IGSF3: variants seen among roughly 807,000 people sequenced by gnomAD.
The protein encoded by IGSF3 is immunoglobulin superfamily member 3.
In IGSF3, 23 loss-of-function variants were observed where a neutral mutation model predicts 114.4. The ratio of observed to expected loss-of-function variants is 0.20; its 90% CI spans 0.14 to 0.28. IGSF3 has a LOEUF of 0.28. Among genes scored for constraint, IGSF3 ranks in the 10% least tolerant of loss-of-function variants. IGSF3 has a pLI of 1.00. For synonymous variants in IGSF3, 571 were observed against 645.2 expected (o/e 0.88, Z 1.74); for missense variants, 1,172 against 1,591.5 (o/e 0.74, Z 4.48).
In IGSF3 at chr1:116,628,587, GTGGCAGGCACCCTGA is replaced by G. The variant is rs1647413600; in HGVS notation, c.44-12145_44-12131del. The stretch of plus-strand genomic sequence containing the variant: ...AAACCATTCCCCACCAAGAGTGTGG[GTGGCAGGCACCCTGA>G]AATATGTCTAGCATACTCATAAAGC... On this transcript the variant is annotated intron_variant, in intron 2 of 10. Coordinates refer to ENST00000369486, the MANE Select transcript of IGSF3 (RefSeq NM_001007237.3). This position sits in a 1 kb window ranked among gnomAD's most constrained non-coding sequence, Gnocchi z 4.2. Among the ~76,000 whole-genome samples the G allele has an allele frequency of 6.6e-6, 1 of 152,144 alleles. No homozygotes were observed. Among genetic ancestry groups the G allele is most frequent in the East Asian group, 1.9e-4 (1 of 5,186 alleles).
chr1:116,622,155 C>G (rs1452559525), intron 2 of IGSF3, among the ~76,000 whole-genome samples: 4 of 152,174 alleles, frequency 2.6e-5, no homozygotes, highest in Non-Finnish European at 5.9e-5. Context: ...CAGTTATGGC[C>G]TCTACAATCA....
chr1:116,663,567 A>G (rs1649203953), intron 2 of IGSF3, among the ~76,000 whole-genome samples: 2 of 152,038 alleles, frequency 1.3e-5, no homozygotes, highest in African/African-American at 4.8e-5. Context: ...AGGAAACAAC[A>G]CACAGAGGTC....
At chr1:116,590,009 G>A (rs906651668) in intron 7 of IGSF3, among the ~76,000 whole-genome samples, 7 of 152,242 alleles carry the variant, frequency 4.6e-5, no homozygotes, top group East Asian at 1.9e-4. Flanking sequence ...GTGGGTGAGC[G>A]AATGAGAGCA....
rs775021520 is a variant in IGSF3 at position 116,585,627 on chromosome 1, G to A, written c.2441-575C>T. Among the ~76,000 whole-genome samples the A allele has an allele frequency of 1.3e-5, 2 of 152,150 alleles. No homozygotes were observed. Among genetic ancestry groups the A allele is most frequent in the Non-Finnish European group, 2.9e-5 (2 of 68,026 alleles). On this transcript the variant is annotated intron_variant, in intron 8 of 10. Transcript: ENST00000369486. This position sits in a 1 kb window ranked among gnomAD's most constrained non-coding sequence, Gnocchi z 4.9. ...TGGGAATGGAACTGATATGACATCAGTAAAGAAAAGACTGCCAGACAAGGT... is the reference window on the plus strand; with the variant it reads ...TGGGAATGGAACTGATATGACATCAATAAAGAAAAGACTGCCAGACAAGGT...
intron 4 of IGSF3, among the ~76,000 whole-genome samples, chr1:116,613,094 G>T (rs1661085806): frequency 6.6e-6 from 1 of 152,152 alleles, no homozygotes; most frequent in Admixed American, 6.5e-5. Flanking sequence ...TCATCAACAT[G>T]CCCTATGACT....
chr1:116,619,365 T>A (rs1661337997), intron 2 of IGSF3, among the ~76,000 whole-genome samples: 1 of 152,204 alleles, frequency 6.6e-6, no homozygotes, highest in Admixed American at 6.5e-5. Context: ...CAGTGTTAAG[T>A]GGCCTGAATG....
intron 2 of IGSF3, among the ~76,000 whole-genome samples, chr1:116,631,317 CAAAAAAAAA>C (rs939848949): frequency 4.3e-5 from 2 of 46,092 alleles, no homozygotes; most frequent in Non-Finnish European, 1.0e-4. Context: ...GACGCTGTCT[CAAAAAAAAA>C]AAAAAAAAAA....
In IGSF3 at chr1:116,582,325, G is replaced by A. The variant is rs575177177; in HGVS notation, c.2848+2320C>T. On this transcript the variant is annotated intron_variant, in intron 9 of 10. Transcript: ENST00000369486. This position sits in a 1 kb window ranked among gnomAD's most constrained non-coding sequence, Gnocchi z 4.7. The stretch of plus-strand genomic sequence containing the variant: ...GCCGACCTCTGCCCCTGCTGTCTGC[G>A]TGACACTAACAGCTCCCCTGGATCT... 1.1e-4 allele frequency among the ~76,000 whole-genome samples: 17 copies of A among 152,270 alleles called. No homozygotes were observed. The highest frequency in any genetic ancestry group is 7.2e-4 in the Admixed American group (11 of 15,304).
rs1480795661 is a variant in IGSF3, at chr1:116,649,952, C to T, written c.43+16332G>A. Among the ~76,000 whole-genome samples the T allele has an allele frequency of 6.6e-6, 1 of 152,180 alleles. No individual in the cohort carries two copies. The highest frequency in any genetic ancestry group is 2.4e-5 in the African/African-American group (1 of 41,430). On this transcript the variant is annotated intron_variant, in intron 2 of 10. Transcript: ENST00000369486. The surrounding 1 kb of genome is among the most constrained non-coding windows in gnomAD (Gnocchi z 4.5). The stretch of plus-strand genomic sequence containing the variant: ...GCCACCATTCCTTTCCCCAGAACGC[C>T]CTTCTGCTCCTCCCACACAAATCCT...
At chr1:116,667,081 T>C (rs1451513720) in intron 1 of IGSF3, 125 bp from the exon 2 acceptor site, 1 of 375,932 alleles carries the variant, frequency 2.7e-6, no homozygotes, top group Non-Finnish European at 4.7e-6. Flanking sequence ...CTCTGCATTC[T>C]GACCTTGGGC....
chr1:116,608,253 A>G lies in IGSF3; in HGVS notation c.911T>C (p.Leu304Pro), dbSNP rs1284382737. Residue 304 changes from leucine (L) to proline (P), a missense_variant, in exon 5 of 11, where the codon CTG becomes CCG. This residue lies in a region of IGSF3 where 736 missense variants were observed against 1,042.0 expected (regional missense o/e 0.71). Coordinates refer to ENST00000369486, the MANE Select transcript of IGSF3 (RefSeq NM_001007237.3). ...VGEPVEFRCI[L>P]EAQNVPDRYF... ...ACGGTCGGGAACATTCTGAGCCTCC[A>G]GGATGCATCTGAACTCCACCGGCTC... 1 of 1,611,880 alleles carries G rather than the reference A, an allele frequency of 6.2e-7. No individual in the cohort carries two copies. The highest frequency in any genetic ancestry group is 8.5e-7 in the Non-Finnish European group (1 of 1,178,166).
chr1:116,583,134 T>C lies in IGSF3; in HGVS notation c.2848+1511A>G, dbSNP rs1659669823. On this transcript the variant is annotated intron_variant, in intron 9 of 10. Coordinates refer to ENST00000369486, the MANE Select transcript of IGSF3 (RefSeq NM_001007237.3). This position sits in a 1 kb window ranked among gnomAD's most constrained non-coding sequence, Gnocchi z 4.5. ...CATGAGTAAAACCTACCACTCAGAG[T>C]TATTGTGAAGACTGAACATAAGTCT... Among the ~76,000 whole-genome samples the C allele has an allele frequency of 6.6e-6, 1 of 152,024 alleles. No homozygotes were observed. The highest frequency in any genetic ancestry group is 2.4e-5 in the African/African-American group (1 of 41,404).
rs565830564 is a variant in IGSF3 at position 116,667,184 on chromosome 1, C to T, written c.-630-228G>A. ...GTTCCTGAAATACTTCCACCAAATGCTTCACTCCTGGGAATTCCCGTCACC... is the reference window on the plus strand; with the variant it reads ...GTTCCTGAAATACTTCCACCAAATGTTTCACTCCTGGGAATTCCCGTCACC... On this transcript the variant is annotated intron_variant, in intron 1 of 10. Coordinates refer to ENST00000369486, the MANE Select transcript of IGSF3 (RefSeq NM_001007237.3). Among the ~76,000 whole-genome samples, 11 of 152,310 alleles carry T rather than the reference C, an allele frequency of 7.2e-5. No individual in the cohort carries two copies. In the East Asian group the frequency reaches 2.1e-3, roughly 30 times the overall value.
At position 116,589,256 on chromosome 1, in the gene IGSF3, G is replaced by A. The variant is rs1659986480; in HGVS notation, c.2030-152C>T. On this transcript the variant is annotated intron_variant, in intron 7 of 10. Transcript: ENST00000369486. The surrounding 1 kb of genome is among the most constrained non-coding windows in gnomAD (Gnocchi z 5.7). Reference sequence around the variant, plus strand: ...TGTGAGGAAGGCAGCACGGAGCCCAGGCCACCGCTAAACATCCTTCCCTGT... The same window carrying A: ...TGTGAGGAAGGCAGCACGGAGCCCAAGCCACCGCTAAACATCCTTCCCTGT... 3.2e-6 allele frequency: 2 copies of A among 632,540 alleles called. No homozygotes were observed. Among genetic ancestry groups the A allele is most frequent in the South Asian group, 1.9e-5 (1 of 51,482 alleles). The allele number at this position is 632,540 out of a possible 1,614,324, so 39.2% of individuals were successfully genotyped here. A position where few individuals can be genotyped will look rare whatever the true frequency, so the allele number is the denominator to read the frequency against.
At chr1:116,599,362 A>G (rs1660473751) in intron 7 of IGSF3, among the ~76,000 whole-genome samples, 1 of 150,560 alleles carries the variant, frequency 6.6e-6, no homozygotes. Flanking sequence ...TGCATTTCAC[A>G]AATGTCCATG....
At position 116,607,083 on chromosome 1, in the gene IGSF3, TA is replaced by T. The variant is rs1342502867; in HGVS notation, c.1222+858del. ...ATTATTACAAGGCTCAGAGAAAGAA[TA>T]GTTTGAGCAGCTGAGACAAGGTTAA... On this transcript the variant is annotated intron_variant, in intron 5 of 10. Coordinates refer to ENST00000369486, the MANE Select transcript of IGSF3 (RefSeq NM_001007237.3). This position sits in a 1 kb window ranked among gnomAD's most constrained non-coding sequence, Gnocchi z 6.1. Among the ~76,000 whole-genome samples, 1 of 152,176 alleles carries T rather than the reference TA, an allele frequency of 6.6e-6. No homozygotes were observed. The highest frequency in any genetic ancestry group is 1.5e-5 in the Non-Finnish European group (1 of 68,030).
chr1:116,639,271 T>C (rs1182084478), intron 2 of IGSF3, among the ~76,000 whole-genome samples: 2 of 152,222 alleles, frequency 1.3e-5, no homozygotes, highest in East Asian at 3.9e-4. Flanking sequence ...TACTAAGAAG[T>C]GAAGATGGAC....
Position 116,632,157 on chromosome 1 carries a change from T to C in IGSF3, c.44-15700A>G, listed in dbSNP as rs1206312414. On this transcript the variant is annotated intron_variant, in intron 2 of 10. Transcript: ENST00000369486. This position sits in a 1 kb window ranked among gnomAD's most constrained non-coding sequence, Gnocchi z 5.1. ...CAAACAAGATGTTCAAATTAGAAAA[T>C]GATTCCATTAATGAGGGCTCTGATG... Among the ~76,000 whole-genome samples, 2 of 152,098 alleles carry C rather than the reference T, an allele frequency of 1.3e-5. No individual in the cohort carries two copies. Among genetic ancestry groups the C allele is most frequent in the East Asian group, 1.9e-4 (1 of 5,190 alleles).
At chr1:116,619,612 A>C (rs1232178195) in intron 2 of IGSF3, among the ~76,000 whole-genome samples, 1 of 151,598 alleles carries the variant, frequency 6.6e-6, no homozygotes, top group Non-Finnish European at 1.5e-5. Context: ...CACACATCCC[A>C]CCCCACCATT....
Sources: allele counts gnomAD v4.1 joint callset (sites outside exome capture counted in the v4.1 genomes callset), GRCh38; gene constraint gnomAD v4.1.1; regional missense constraint gnomAD v4.1.1; non-coding constraint Gnocchi (gnomAD v3.1); transcripts MANE v1.5; gene names NCBI Gene and HGNC (gene_info 2026-07-23, HGNC 2026-07-21).